Variants in SORCS2 observed in about 807,000 individuals in gnomAD.
The protein encoded by SORCS2 is sortilin related VPS10 domain containing receptor 2.
Under a neutral mutation model 141.6 loss-of-function variants are expected in SORCS2, and 100 were observed. That is an observed-to-expected ratio of 0.71 (90% CI 0.60 to 0.83). The LOEUF is 0.83. SORCS2 is among the 40% of genes least tolerant of loss of function. The probability of loss-of-function intolerance (pLI) is 0.00; values close to 1 mark genes in which losing one functional copy is unlikely to be tolerated. For missense variants in SORCS2, 1,646 were observed against 1,560.2 expected (o/e 1.05, Z -0.93); for synonymous variants, 789 against 676.9 (o/e 1.17, Z -2.57).
At chr4:7,278,811 A>G (rs73799450) in intron 1 of SORCS2, among the ~76,000 whole-genome samples, 4,206 of 152,310 alleles carry the variant, frequency 0.028, 181 homozygotes, top group African/African-American at 0.091. Flanking sequence ...GCAGGTGCAG[A>G]TAAAGGAGAC....
chr4:7,609,731 C>T (rs552027808), intron 3 of SORCS2, among the ~76,000 whole-genome samples: 7 of 152,310 alleles, frequency 4.6e-5, no homozygotes, highest in South Asian at 4.1e-4. Context: ...AAGCCACCCA[C>T]CCCCACCGCC....
chr4:7,537,011 A>AGTAC (rs1465525982), intron 3 of SORCS2, among the ~76,000 whole-genome samples: 1 of 152,146 alleles, frequency 6.6e-6, no homozygotes, highest in Non-Finnish European at 1.5e-5. Flanking sequence ...CAGCCCCTAG[A>AGTAC]GTACCCCTTG....
intron 1 of SORCS2, among the ~76,000 whole-genome samples, chr4:7,232,148 T>TG (rs1711934307): frequency 6.6e-6 from 1 of 151,954 alleles, no homozygotes; most frequent in Non-Finnish European, 1.5e-5. Context: ...GGAGCAGGAT[T>TG]GGGGGAATGG....
intron 12 of SORCS2, among the ~76,000 whole-genome samples, chr4:7,702,689 C>A (rs553543069): frequency 4.9e-4 from 75 of 152,366 alleles, no homozygotes; most frequent in African/African-American, 1.7e-3. Flanking sequence ...ACACATACTC[C>A]CTGGCACCAA....
At chr4:7,550,311 G>A (rs540292465) in intron 3 of SORCS2, among the ~76,000 whole-genome samples, 67 of 152,254 alleles carry the variant, frequency 4.4e-4, no homozygotes, top group African/African-American at 1.5e-3. Context: ...TGAGTTCTGG[G>A]CCTGTCCCTG....
intron 21 of SORCS2, 69 bp downstream of exon 21, chr4:7,726,972 A>G (rs1276904108): frequency 3.4e-6 from 5 of 1,460,638 alleles, no homozygotes; most frequent in Admixed American, 3.9e-5. Context: ...GCCAGGCCAC[A>G]TGGGTCGCGT....
intron 2 of SORCS2, among the ~76,000 whole-genome samples, chr4:7,460,510 C>G (rs1402306792): frequency 6.6e-6 from 1 of 152,238 alleles, no homozygotes; most frequent in Non-Finnish European, 1.5e-5. Context: ...GCCCACCTTG[C>G]GCCATTGTGT....
chr4:7,578,012 T>A (rs1258709643), intron 3 of SORCS2, among the ~76,000 whole-genome samples: 2 of 152,164 alleles, frequency 1.3e-5, no homozygotes, highest in African/African-American at 4.8e-5. Flanking sequence ...AAAACTCGTG[T>A]TGAAATTTGG....
chr4:7,715,369 C>A, intron 17 of SORCS2, 58 bp downstream of exon 17: 1 of 1,591,258 alleles, frequency 6.3e-7, no homozygotes, highest in South Asian at 1.1e-5. Context: ...TGTGGTGCAG[C>A]CCCGAAACCA....
At chr4:7,683,869 C>G (rs1311890435) in intron 10 of SORCS2, among the ~76,000 whole-genome samples, 1 of 152,200 alleles carries the variant, frequency 6.6e-6, no homozygotes, top group Non-Finnish European at 1.5e-5. Context: ...GACTCTTGCC[C>G]GCTCTCATGT....
chr4:7,713,659 G>C (rs1177322075), intron 15 of SORCS2, among the ~76,000 whole-genome samples: 1 of 152,172 alleles, frequency 6.6e-6, no homozygotes, highest in African/African-American at 2.4e-5. Flanking sequence ...TATCGGATAG[G>C]GAGGGCGATC....
At chr4:7,723,611 G>C (rs994302605) in intron 18 of SORCS2, 86 bp from the exon 19 acceptor site, 8 of 1,349,032 alleles carry the variant, frequency 5.9e-6, no homozygotes, top group Middle Eastern at 3.9e-4. Context: ...GAATGAATGA[G>C]TGAGTGAGTG....
intron 1 of SORCS2, among the ~76,000 whole-genome samples, chr4:7,326,077 G>A (rs1255099984): frequency 1.3e-5 from 2 of 152,124 alleles, no homozygotes; most frequent in Non-Finnish European, 2.9e-5. Context: ...TCAGGATGGA[G>A]AGATCAGCAT....
Position 7,498,816 on chromosome 4 carries a change from C to G in SORCS2, c.549-32714C>G, listed in dbSNP as rs4476599. Among the ~76,000 whole-genome samples the G allele has an allele frequency of 5.4e-3, 825 of 152,340 alleles. 5 individuals carry two copies. The highest frequency in any genetic ancestry group is 0.018 in the African/African-American group (750 of 41,580). On this transcript the variant is annotated intron_variant, in intron 2 of 26. Coordinates refer to ENST00000507866, the MANE Select transcript of SORCS2 (RefSeq NM_020777.3). Reference sequence around the variant, plus strand: ...TGAGCAACCCCTGGCCCTCCCTCTGCGGGTGTCCATGGGAGTGCAGTGCCA... The same window carrying G: ...TGAGCAACCCCTGGCCCTCCCTCTGGGGGTGTCCATGGGAGTGCAGTGCCA...
At position 7,234,620 on chromosome 4, in the gene SORCS2, G is replaced by A. The variant is rs531362072; in HGVS notation, c.480+41494G>A. The stretch of plus-strand genomic sequence containing the variant: ...AGCTTCAGTTCCAGTCCTGGGCTCT[G>A]CAGGTCTAGGCGGCCTCCCTGGCCA... On this transcript the variant is annotated intron_variant, in intron 1 of 26. Transcript: ENST00000507866. Among the ~76,000 whole-genome samples, 35 of 152,336 alleles carry A rather than the reference G, an allele frequency of 2.3e-4. No homozygotes were observed. In the East Asian group the frequency reaches 6.2e-3, roughly 27 times the overall value.
chr4:7,382,106 TG>T (rs1305465435), intron 1 of SORCS2: 2 of 472,272 alleles, frequency 4.2e-6, no homozygotes, highest in Admixed American at 1.3e-4. Context: ...CCTTGAAGGG[TG>T]GGTGGTGCTG....
intron 1 of SORCS2, among the ~76,000 whole-genome samples, chr4:7,288,762 A>G (rs1716404438): frequency 9.2e-6 from 1 of 108,822 alleles, no homozygotes; most frequent in African/African-American, 3.6e-5. Context: ...ATTGGCAGCG[A>G]GGGCATCAAT....
intron 1 of SORCS2, among the ~76,000 whole-genome samples, chr4:7,296,830 C>T (rs1717097688): frequency 6.6e-6 from 1 of 152,178 alleles, no homozygotes; most frequent in South Asian, 2.1e-4. Flanking sequence ...CGTGGCTTCC[C>T]TCTATCGCTC....
intron 2 of SORCS2, among the ~76,000 whole-genome samples, chr4:7,480,377 G>A (rs1730556353): frequency 6.6e-6 from 1 of 152,174 alleles, no homozygotes; most frequent in South Asian, 2.1e-4. Context: ...AACTCTTCCA[G>A]CCACTCCTTC....
Sources: allele counts gnomAD v4.1 joint callset (sites outside exome capture counted in the v4.1 genomes callset), GRCh38; gene constraint gnomAD v4.1.1; transcripts MANE v1.5; gene names NCBI Gene and HGNC (gene_info 2026-07-23, HGNC 2026-07-21).